Variants in ABCA12 observed in about 807,000 individuals in gnomAD.
ABCA12 encodes ATP binding cassette subfamily A member 12.
In ABCA12, 156 loss-of-function variants were observed where a neutral mutation model predicts 293.5. The ratio of observed to expected loss-of-function variants is 0.53; its 90% CI spans 0.47 to 0.61. The LOEUF (loss-of-function observed/expected upper bound fraction) is 0.61, where lower values mean the gene tolerates loss of function less well. Among genes scored for constraint, ABCA12 ranks in the 20% least tolerant of loss-of-function variants. The pLI is 0.00. For missense variants in ABCA12, 2,797 were observed against 3,090.2 expected (o/e 0.91, Z 2.25); for synonymous variants, 1,063 against 1,108.0 (o/e 0.96, Z 0.81).
Position 214,955,116 on chromosome 2 carries a change from C to A in ABCA12, c.6393+86G>T, listed in dbSNP as rs1319943141. ...AAATTTAATAGAATCAAATGATATT[C>A]TTCTTTTTTATGTAGAATAAATAAA... On this transcript the variant is annotated intron_variant, in intron 43 of 52. Transcript: ENST00000272895. 4.7e-6 allele frequency: 7 copies of A among 1,501,280 alleles called. No homozygotes were observed. In the Admixed American group the frequency reaches 9.1e-5, roughly 20 times the overall value. The allele number at this position is 1,501,280 out of a possible 1,614,324, so 93.0% of individuals were successfully genotyped here.
At chr2:214,961,925 T>C (rs1699124288) in intron 39 of ABCA12, 1 of 152,194 alleles carries the variant, frequency 6.6e-6, no homozygotes, top group Non-Finnish European at 1.5e-5. Flanking sequence ...CAGTCACCAG[T>C]ACATCTGGCA....
intron 1 of ABCA12, among the ~76,000 whole-genome samples, chr2:215,118,391 G>A (rs1429914715): frequency 1.3e-5 from 2 of 151,944 alleles, no homozygotes; most frequent in Non-Finnish European, 1.5e-5. Context: ...GACAGAGTGA[G>A]ACTCCGTCTC....
intron 2 of ABCA12, among the ~76,000 whole-genome samples, chr2:215,105,752 AC>A (rs1456099162): frequency 6.6e-6 from 1 of 152,094 alleles, no homozygotes; most frequent in African/African-American, 2.4e-5. Context: ...ATGGATTCTG[AC>A]TTGCATGCCA....
intron 6 of ABCA12, among the ~76,000 whole-genome samples, chr2:215,046,266 A>G (rs906059705): frequency 6.6e-6 from 1 of 151,878 alleles, no homozygotes; most frequent in African/African-American, 2.4e-5. Context: ...CTGTATTTAT[A>G]TAAAATATTT....
At chr2:215,117,552 CA>C (rs1286228545) in intron 1 of ABCA12, among the ~76,000 whole-genome samples, 1 of 152,138 alleles carries the variant, frequency 6.6e-6, no homozygotes, top group African/African-American at 2.4e-5. Flanking sequence ...TTACAAATTT[CA>C]AAAACCCGAT....
Position 215,120,135 on chromosome 2 carries a change from G to A in ABCA12, c.70-8445C>T, listed in dbSNP as rs568599458. 3.9e-5 allele frequency among the ~76,000 whole-genome samples: 6 copies of A among 152,280 alleles called. No individual in the cohort carries two copies. In the South Asian group the frequency reaches 1.0e-3, roughly 26 times the overall value. On this transcript the variant is annotated intron_variant, in intron 1 of 52. Transcript: ENST00000272895. ...TGTCCTTTGCAACAACATGGATGGA[G>A]CTAGAAGCCATAATCCTTAGCAAAT...
Position 214,980,618 on chromosome 2 carries a change from G to C in ABCA12, c.4605C>G (p.His1535Gln). 6.2e-7 allele frequency: 1 copy of C among 1,614,108 alleles called. No individual in the cohort carries two copies. The highest frequency in any genetic ancestry group is 8.5e-7 in the Non-Finnish European group (1 of 1,179,986). Residue 1535 changes from histidine to glutamine, a missense_variant, in exon 31 of 53, where the codon CAC becomes CAG. Physicochemically the swap from His to Gln is conservative, Grantham distance 24. Around this residue, in one of 3 missense-constraint regions of ABCA12, gnomAD observed 2,130 missense variants for 2,427.0 expected, o/e 0.88. Coordinates refer to ENST00000272895, the MANE Select transcript of ABCA12 (RefSeq NM_173076.3). ...TCAGCACTTCAGCCTCGTCCAAGTG[G>C]TGCGTTGACAGAATGATTGTTCTGG... ...KTARTIILSTHHLDEAEVLSD... is the reference protein window; with the variant it reads ...KTARTIILSTQHLDEAEVLSD...
At chr2:215,012,860 ATTTC>A (rs1444118128) in intron 15 of ABCA12, among the ~76,000 whole-genome samples, 11 of 152,326 alleles carry the variant, frequency 7.2e-5, no homozygotes, top group South Asian at 2.1e-4. Flanking sequence ...TCAACTACAT[ATTTC>A]TTCATGTATA....
chr2:215,095,572 C>A (rs1311539398), intron 2 of ABCA12, among the ~76,000 whole-genome samples: 1 of 152,128 alleles, frequency 6.6e-6, no homozygotes, highest in Non-Finnish European at 1.5e-5. Context: ...AGACATCACG[C>A]ATTATCTCTC....
Position 214,989,354 on chromosome 2 carries a change from A to G in ABCA12, c.3804T>C (p.Ala1268=), listed in dbSNP as rs1559133383. 1.9e-6 allele frequency: 3 copies of G among 1,613,404 alleles called. No individual in the cohort carries two copies. The highest frequency in any genetic ancestry group is 2.5e-6 in the Non-Finnish European group (3 of 1,179,906). ...CTGGGAAGACATTCCTGACATACCA[A>G]GCAATAAGGAAATAAATGAAAGAGT... The part of the protein sequence containing the change: ...LADSFIYFLI[A]WYVRNVFPGT... Residue 1268 remains alanine (A), a synonymous_variant, in exon 26 of 53, where the codon GCT becomes GCC. Coordinates refer to ENST00000272895, the MANE Select transcript of ABCA12 (RefSeq NM_173076.3).
chr2:215,129,335 G>A (rs1173001867), intron 1 of ABCA12, among the ~76,000 whole-genome samples: 2 of 152,178 alleles, frequency 1.3e-5, no homozygotes, highest in South Asian at 2.1e-4. Context: ...AGGTCTCCAG[G>A]TCATGTCCCT....
chr2:215,010,265 T>G, intron 18 of ABCA12, 66 bp downstream of exon 18: 2 of 1,569,512 alleles, frequency 1.3e-6, no homozygotes, highest in Non-Finnish European at 1.8e-6. Flanking sequence ...AAAGTAAATT[T>G]GGAAGTTGAC....
intron 2 of ABCA12, among the ~76,000 whole-genome samples, chr2:215,100,020 T>A (rs1180805303): frequency 1.3e-5 from 2 of 151,494 alleles, no homozygotes; most frequent in Non-Finnish European, 2.9e-5. Context: ...CTCTCTCTTT[T>A]TTTTTTTTTA....
intron 23 of ABCA12, among the ~76,000 whole-genome samples, chr2:214,997,392 T>C (rs1700058509): frequency 6.6e-6 from 1 of 152,192 alleles, no homozygotes; most frequent in Admixed American, 6.5e-5. Context: ...ACTTCCTCTG[T>C]TAGATCCTAA....
Position 214,954,017 on chromosome 2 carries a change from G to T in ABCA12, c.6484C>A (p.Gln2162Lys), listed in dbSNP as rs775733609. ...TTTAAGAAGTCTAGGACCGACTGTT[G>T]TTGAGAAAGTTCAATCAAACCGTAG... is the stretch of plus-strand genomic sequence containing the variant. Reference protein sequence around the residue: ...FGYGLIELSQQQSVLDFLKAY... With the variant: ...FGYGLIELSQKQSVLDFLKAY... The change falls in exon 44 of 53, where the codon CAA becomes AAA. Residue 2162 changes from glutamine (Q) to lysine (K), a missense_variant. By Grantham distance (53) the Gln-to-Lys change is moderately conservative. Transcript: ENST00000272895. 18 of 1,613,958 alleles carry T rather than the reference G, an allele frequency of 1.1e-5. No individual in the cohort carries two copies. Among genetic ancestry groups the T allele is most frequent in the Admixed American group, 3.3e-5 (2 of 59,994 alleles).
At chr2:215,076,851 G>A (rs1212673754) in intron 2 of ABCA12, among the ~76,000 whole-genome samples, 1 of 152,160 alleles carries the variant, frequency 6.6e-6, no homozygotes, top group Admixed American at 6.5e-5. Flanking sequence ...AAAACATAAT[G>A]TTGAGCCCAA....
intron 3 of ABCA12, among the ~76,000 whole-genome samples, chr2:215,059,349 C>A (rs1464686): frequency 2.0e-5 from 3 of 151,716 alleles, no homozygotes; most frequent in Non-Finnish European, 4.4e-5. Flanking sequence ...ATCCCAAACA[C>A]AAGTCACCCA....
At position 214,970,307 on chromosome 2, in the gene ABCA12, GATA is replaced by G; in HGVS notation, c.5653_5655del (p.Tyr1885del). 2 of 1,613,006 alleles carry G rather than the reference GATA, an allele frequency of 1.2e-6. No individual in the cohort carries two copies. Among genetic ancestry groups the G allele is most frequent in the Non-Finnish European group, 1.7e-6 (2 of 1,179,372 alleles). On this transcript the variant is annotated inframe_deletion, in exon 37 of 53. Coordinates refer to ENST00000272895, the MANE Select transcript of ABCA12 (RefSeq NM_173076.3). ...ACAAACTCATTTGCAGTTGATATAA[GATA>G]ATTTTCCACTCGTTGCCCAGTGAGG...
intron 2 of ABCA12, among the ~76,000 whole-genome samples, chr2:215,108,850 C>G (rs537477550): frequency 6.6e-6 from 1 of 152,022 alleles, no homozygotes; most frequent in African/African-American, 2.4e-5. Flanking sequence ...CGGTGGATCA[C>G]GAGGTCAGGA....
Sources: allele counts gnomAD v4.1 joint callset (sites outside exome capture counted in the v4.1 genomes callset), GRCh38; gene constraint gnomAD v4.1.1; regional missense constraint gnomAD v4.1.1; transcripts MANE v1.5; gene names NCBI Gene and HGNC (gene_info 2026-07-23, HGNC 2026-07-21).